ITGA6: variants seen among roughly 807,000 people sequenced by gnomAD.
ITGA6 encodes integrin subunit alpha 6.
Under a neutral mutation model 133.6 loss-of-function variants are expected in ITGA6, and 63 were observed. The ratio of observed to expected loss-of-function variants is 0.47; its 90% CI spans 0.38 to 0.58. The LOEUF is 0.58. Among genes scored for constraint, ITGA6 ranks in the 20% least tolerant of loss-of-function variants. ITGA6 has a pLI of 0.00. For synonymous variants in ITGA6, 434 were observed against 482.0 expected (o/e 0.90, Z 1.30); for missense variants, 1,068 against 1,309.4 (o/e 0.82, Z 2.85).
rs761010415 is a variant in ITGA6, at chr2:172,465,668, G to A, written c.307+5G>A. 4.3e-6 allele frequency: 7 copies of A among 1,614,116 alleles called. No individual in the cohort carries two copies. The highest frequency in any genetic ancestry group is 1.3e-5 in the African/African-American group (1 of 75,052). On this transcript the variant is annotated splice_donor_5th_base_variant and intron_variant, in intron 2 of 25. Coordinates refer to ENST00000684293, the MANE Select transcript of ITGA6 (RefSeq NM_000210.4). ...GGATCGAGTTTGATAACGATGGTGC[G>A]TTCCTTTCCCTCACTCAGCGTTCAC... is the stretch of plus-strand genomic sequence containing the variant.
At chr2:172,442,150 T>G (rs1040074135) in intron 1 of ITGA6, among the ~76,000 whole-genome samples, 1 of 152,182 alleles carries the variant, frequency 6.6e-6, no homozygotes, top group Non-Finnish European at 1.5e-5. Context: ...GCGTCATGTT[T>G]CTGAATAAGG....
chr2:172,497,934 C>A, intron 23 of ITGA6, 41 bp from the exon 24 acceptor site: 1 of 1,611,850 alleles, frequency 6.2e-7, no homozygotes, highest in South Asian at 1.1e-5. Context: ...TGAACTCTTG[C>A]CGCTGTATGT....
intron 20 of ITGA6, among the ~76,000 whole-genome samples, chr2:172,490,550 GT>G (rs2149080562): frequency 6.6e-6 from 1 of 152,346 alleles, no homozygotes; most frequent in East Asian, 1.9e-4. Flanking sequence ...AATTTTAAAA[GT>G]TCTTGTATGG....
chr2:172,465,375 C>T (rs910094377), intron 1 of ITGA6, 164 bp from the exon 2 acceptor site: 1 of 828,924 alleles, frequency 1.2e-6, no homozygotes. Context: ...TTTGCATGAA[C>T]CAGCCATAGG....
At position 172,451,271 on chromosome 2, in the gene ITGA6, A is replaced by G. The variant is rs550429968; in HGVS notation, c.183-14268A>G. ...GTTGAGGTCAGGAGTTCAAGACAAG[A>G]CTGGCCAACATGGTGAAACCCTGTC... is the stretch of plus-strand genomic sequence containing the variant. On this transcript the variant is annotated intron_variant, in intron 1 of 25. Coordinates refer to ENST00000684293, the MANE Select transcript of ITGA6 (RefSeq NM_000210.4). Among the ~76,000 whole-genome samples the G allele has an allele frequency of 2.0e-5, 3 of 151,796 alleles. No homozygotes were observed. The South Asian group carries it at 6.2e-4, about 32-fold the overall frequency.
intron 11 of ITGA6, among the ~76,000 whole-genome samples, chr2:172,483,368 C>T (rs1006813550): frequency 2.0e-5 from 3 of 152,082 alleles, no homozygotes; most frequent in Non-Finnish European, 4.4e-5. Flanking sequence ...TCAGTATGAC[C>T]CCAAGCCTCC....
intron 23 of ITGA6, 120 bp from the exon 24 acceptor site, chr2:172,497,855 T>G (rs1016391899): frequency 2.1e-6 from 2 of 948,464 alleles, no homozygotes; most frequent in Non-Finnish European, 3.5e-6. Flanking sequence ...GAAAGTCATC[T>G]CATCCATTCA....
At chr2:172,451,016 G>T (rs139127557) in intron 1 of ITGA6, among the ~76,000 whole-genome samples, 1 of 148,638 alleles carries the variant, frequency 6.7e-6, no homozygotes, top group East Asian at 2.0e-4. Context: ...TTAGCTGGAC[G>T]TGGGGGCACA....
intron 1 of ITGA6, among the ~76,000 whole-genome samples, chr2:172,463,081 T>A (rs1165844214): frequency 6.6e-6 from 1 of 152,210 alleles, no homozygotes; most frequent in Non-Finnish European, 1.5e-5. Context: ...TTTCATGACC[T>A]CATGACCTGT....
chr2:172,489,523 A>G lies in ITGA6; in HGVS notation c.2544A>G (p.Thr848=). 1 of 1,614,068 alleles carries G rather than the reference A, an allele frequency of 6.2e-7. No individual in the cohort carries two copies. Among genetic ancestry groups the G allele is most frequent in the Non-Finnish European group, 8.5e-7 (1 of 1,179,904 alleles). The part of the protein sequence containing the change: ...NLGKPLTNLG[T]ATLNIQWPKE... Reference sequence around the variant, plus strand: ...GTAAACCTCTTACAAACCTCGGCACAGCAACCTTGAACATTCAGTGGCCAA... The same window carrying G: ...GTAAACCTCTTACAAACCTCGGCACGGCAACCTTGAACATTCAGTGGCCAA... The change falls in exon 20 of 26, where the codon ACA becomes ACG. Residue 848 remains threonine (T), a synonymous_variant. Coordinates refer to ENST00000684293, the MANE Select transcript of ITGA6 (RefSeq NM_000210.4).
chr2:172,446,867 G>A (rs1362593600), intron 1 of ITGA6, among the ~76,000 whole-genome samples: 1 of 152,076 alleles, frequency 6.6e-6, no homozygotes, highest in Non-Finnish European at 1.5e-5. Context: ...TGAATTGCTT[G>A]GTCAGCTGAA....
intron 1 of ITGA6, among the ~76,000 whole-genome samples, chr2:172,447,018 C>T (rs1320327627): frequency 6.6e-6 from 1 of 152,024 alleles, no homozygotes; most frequent in African/African-American, 2.4e-5. Context: ...GTGCCTTGGC[C>T]TCTGAAGTAG....
chr2:172,477,554 C>G (rs1018707844), intron 9 of ITGA6, among the ~76,000 whole-genome samples: 29 of 152,172 alleles, frequency 1.9e-4, no homozygotes, highest in African/African-American at 7.0e-4. Flanking sequence ...GGCTATCTCT[C>G]CTTGTCAATA....
rs753175102 is a variant in ITGA6, at chr2:172,484,877, A to C, written c.1645A>C (p.Thr549Pro). The change falls in exon 12 of 26, where the codon ACT (threonine) becomes CCT (proline). Residue 549 changes from threonine to proline, a missense_variant. Physicochemically the swap from Thr to Pro is conservative, Grantham distance 38. This residue lies in a region of ITGA6 where 609 missense variants were observed against 707.2 expected (regional missense o/e 0.86). Transcript: ENST00000684293. Reference sequence around the variant, plus strand: ...AAACCAAGGTTCTGAGCCCAAATATACTCAAGAACTAACTCTGAAGAGGCA... The same window carrying C: ...AAACCAAGGTTCTGAGCCCAAATATCCTCAAGAACTAACTCTGAAGAGGCA... ...FRNQGSEPKY[T>P]QELTLKRQKQ... The C allele has an allele frequency of 5.6e-6, 9 of 1,614,052 alleles. No homozygotes were observed. The Admixed American group carries it at 1.5e-4, about 27-fold the overall frequency.
At chr2:172,470,678 CTG>C (rs944368985) in intron 4 of ITGA6, among the ~76,000 whole-genome samples, 1 of 152,168 alleles carries the variant, frequency 6.6e-6, no homozygotes, top group African/African-American at 2.4e-5. Context: ...AATTGGTTCT[CTG>C]TAGATTTTGT....
At chr2:172,472,942 T>A in intron 5 of ITGA6, 3 of 816,054 alleles carry the variant, frequency 3.7e-6, no homozygotes, top group Admixed American at 2.3e-5. Flanking sequence ...GGTCATTAAA[T>A]TTTTTTTTTT....
At chr2:172,448,166 C>T (rs549706146) in intron 1 of ITGA6, among the ~76,000 whole-genome samples, 3 of 152,238 alleles carry the variant, frequency 2.0e-5, no homozygotes, top group Middle Eastern at 6.8e-3. Flanking sequence ...TCTTGTGCTC[C>T]AGTTAAAGGT....
At chr2:172,467,860 G>A (rs755911129) in intron 3 of ITGA6, among the ~76,000 whole-genome samples, 4 of 152,068 alleles carry the variant, frequency 2.6e-5, no homozygotes, top group Non-Finnish European at 5.9e-5. Flanking sequence ...AGTGGCATGC[G>A]CCTGTAATCC....
intron 9 of ITGA6, among the ~76,000 whole-genome samples, chr2:172,477,053 C>G (rs1003891855): frequency 5.3e-5 from 8 of 152,152 alleles, no homozygotes; most frequent in Non-Finnish European, 1.0e-4. Context: ...AGGTTCAGAG[C>G]TTATTTAACC....
Sources: allele counts gnomAD v4.1 joint callset (sites outside exome capture counted in the v4.1 genomes callset), GRCh38; gene constraint gnomAD v4.1.1; regional missense constraint gnomAD v4.1.1; transcripts MANE v1.5; gene names NCBI Gene and HGNC (gene_info 2026-07-23, HGNC 2026-07-21).